The following GRB2 variants were observed in gnomAD, a reference collection of about 807,000 sequenced individuals.
GRB2 encodes the protein growth factor receptor bound protein 2, also known as growth factor receptor-bound protein 2.
In GRB2, 2 loss-of-function variants were observed where a neutral mutation model predicts 27.4. That is an observed-to-expected ratio of 0.07 (90% confidence interval 0.03 to 0.23). The LOEUF (loss-of-function observed/expected upper bound fraction) is 0.23, where lower values mean the gene tolerates loss of function less well. Ranked by LOEUF, GRB2 falls within the 10% of genes least tolerant of loss-of-function variation. The pLI is 1.00. For synonymous variants in GRB2, 94 were observed against 99.6 expected, an observed-to-expected ratio of 0.94 and a Z score of 0.33; for missense variants, 102 against 282.4, an observed-to-expected ratio of 0.36 and a Z score of 4.58.
At chr17:75,402,844 G>A (rs1465358191) in intron 1 of GRB2, among the ~76,000 whole-genome samples, 1 of 151,884 alleles carries the variant, frequency 6.6e-6, no homozygotes, top group Non-Finnish European at 1.5e-5. Context: ...GGGAGGCTGA[G>A]GTGAGTGGAT....
chr17:75,333,704 T>C (rs1009585739), intron 2 of GRB2, among the ~76,000 whole-genome samples: 18 of 152,082 alleles, frequency 1.2e-4, no homozygotes, highest in African/African-American at 3.9e-4. Flanking sequence ...GGGAAAACTA[T>C]TTTCAGGAAA....
chr17:75,335,695 G>A (rs1050986647), intron 2 of GRB2, among the ~76,000 whole-genome samples: 1 of 152,106 alleles, frequency 6.6e-6, no homozygotes, highest in African/African-American at 2.4e-5. Flanking sequence ...TAATAAATAT[G>A]TGTAGCAAAC....
intron 2 of GRB2, chr17:75,387,789 C>T (rs1471134531): frequency 6.6e-6 from 1 of 151,082 alleles, no homozygotes; most frequent in African/African-American, 2.4e-5. Flanking sequence ...CAGAGTGAGA[C>T]TTCGCCTAAA....
chr17:75,347,084 C>T (rs1203937595), intron 2 of GRB2, among the ~76,000 whole-genome samples: 4 of 152,144 alleles, frequency 2.6e-5, no homozygotes, highest in African/African-American at 9.7e-5. Context: ...GGCAACTCCT[C>T]CCCCTTCCTT....
chr17:75,400,551 T>C (rs1342325522), intron 1 of GRB2, among the ~76,000 whole-genome samples: 5 of 151,574 alleles, frequency 3.3e-5, no homozygotes, highest in Non-Finnish European at 7.4e-5. Context: ...CTCATCTCAC[T>C]GTAACCTCCA....
chr17:75,354,135 C>T (rs2078713112), intron 2 of GRB2, among the ~76,000 whole-genome samples: 11 of 152,174 alleles, frequency 7.2e-5, no homozygotes, highest in Admixed American at 6.5e-4. Flanking sequence ...TACTTGAAGG[C>T]TATTTCGGCT....
chr17:75,377,016 C>T (rs1165460759), intron 2 of GRB2, among the ~76,000 whole-genome samples: 1 of 151,496 alleles, frequency 6.6e-6, no homozygotes, highest in African/African-American at 2.4e-5. Flanking sequence ...GTCTCAAAAA[C>T]ATAAAGACAG....
At chr17:75,373,841 T>A (rs1272705268) in intron 2 of GRB2, 1 of 133,526 alleles carries the variant, frequency 7.5e-6, no homozygotes, top group Non-Finnish European at 1.6e-5. Flanking sequence ...AGAGTCTCGC[T>A]CTATCGCCCA....
At chr17:75,353,139 C>A (rs1456565495) in intron 2 of GRB2, among the ~76,000 whole-genome samples, 1 of 148,166 alleles carries the variant, frequency 6.7e-6, no homozygotes, top group Non-Finnish European at 1.5e-5. Context: ...GAGCCGAGAT[C>A]GCGCCACTGC....
chr17:75,364,947 C>A (rs2078809882), intron 2 of GRB2, among the ~76,000 whole-genome samples: 1 of 152,096 alleles, frequency 6.6e-6, no homozygotes, highest in African/African-American at 2.4e-5. Context: ...AAAAGCATCT[C>A]TCATTTTTCA....
rs57166874 is a variant in GRB2 at position 75,397,816 on chromosome 17, A to AATTTATTTATTTATTT, written c.-137-4067_-137-4052dup. On this transcript the variant is annotated intron_variant, in intron 1 of 5. Coordinates refer to ENST00000316804, the MANE Select transcript of GRB2 (RefSeq NM_002086.5). The stretch of plus-strand genomic sequence containing the variant: ...AGCCCGACATGTAATAATCACTCAA[A>AATTTATTTATTTATTT]ATTTATTTATTTATTTATTTATTTA... Among the ~76,000 whole-genome samples, 476 of 147,914 alleles carry AATTTATTTATTTATTT rather than the reference A, an allele frequency of 3.2e-3. 1 individual carries two copies. The highest frequency in any genetic ancestry group is 0.011 in the South Asian group (51 of 4,666).
intron 2 of GRB2, among the ~76,000 whole-genome samples, chr17:75,382,273 G>T (rs994786977): frequency 1.3e-5 from 2 of 150,500 alleles, no homozygotes; most frequent in East Asian, 1.9e-4. Flanking sequence ...CAAAAAAAAA[G>T]GAATAAAAAG....
chr17:75,348,056 T>G (rs903769372), intron 2 of GRB2, among the ~76,000 whole-genome samples: 1 of 152,198 alleles, frequency 6.6e-6, no homozygotes, highest in African/African-American at 2.4e-5. Context: ...TTTTCAAAAT[T>G]TGAGACAGGG....
chr17:75,370,161 T>A (rs138922467), intron 2 of GRB2, among the ~76,000 whole-genome samples: 1 of 152,304 alleles, frequency 6.6e-6, no homozygotes, highest in African/African-American at 2.4e-5. Context: ...ACAGAGGTCA[T>A]TGATGCAACG....
intron 2 of GRB2, among the ~76,000 whole-genome samples, chr17:75,386,565 G>T (rs2078965071): frequency 6.6e-6 from 1 of 152,196 alleles, no homozygotes; most frequent in Non-Finnish European, 1.5e-5. Context: ...AGCCAGCAAA[G>T]GATGGGGTCA....
At chr17:75,389,124 C>T (rs2078982863) in intron 2 of GRB2, among the ~76,000 whole-genome samples, 1 of 152,082 alleles carries the variant, frequency 6.6e-6, no homozygotes, top group Non-Finnish European at 1.5e-5. Flanking sequence ...AAAAACCTTC[C>T]GAGGCTTCTT....
At chr17:75,327,503 T>G (rs1225776833) in intron 3 of GRB2, among the ~76,000 whole-genome samples, 1 of 151,998 alleles carries the variant, frequency 6.6e-6, no homozygotes, top group African/African-American at 2.4e-5. Flanking sequence ...CCCTAGTAGC[T>G]GGGATTACAG....
intron 1 of GRB2, among the ~76,000 whole-genome samples, chr17:75,402,115 A>G (rs1193388098): frequency 6.6e-6 from 1 of 152,252 alleles, no homozygotes; most frequent in East Asian, 1.9e-4. Flanking sequence ...ATTAGCCTAC[A>G]GTTAAGCAAA....
At chr17:75,384,538 C>T (rs183440323) in intron 2 of GRB2, among the ~76,000 whole-genome samples, 690 of 152,168 alleles carry the variant, frequency 4.5e-3, no homozygotes, top group African/African-American at 0.016. Context: ...GGCGTGGTGG[C>T]ACATGCCTAT....
Sources: allele counts gnomAD v4.1 joint callset (sites outside exome capture counted in the v4.1 genomes callset), GRCh38; gene constraint gnomAD v4.1.1; transcripts MANE v1.5; gene names NCBI Gene and HGNC (gene_info 2026-07-23, HGNC 2026-07-21).